Variants in FAM76B observed in about 807,000 individuals in gnomAD.
FAM76B encodes the protein family with sequence similarity 76 member B.
FAM76B carries 16 observed loss-of-function variants against 51.8 expected under a neutral mutation model. The ratio of observed to expected loss-of-function variants is 0.31; its 90% CI spans 0.21 to 0.47. FAM76B has a LOEUF of 0.47. Ranked by LOEUF, FAM76B falls within the 20% of genes least tolerant of loss-of-function variation. The pLI is 1.00. For missense variants in FAM76B, 342 were observed against 392.6 expected (o/e 0.87, Z 1.09); for synonymous variants, 166 against 129.5 (o/e 1.28, Z -1.91).
At chr11:95,781,213 T>G (rs1243802920) in intron 5 of FAM76B, among the ~76,000 whole-genome samples, 2 of 152,012 alleles carry the variant, frequency 1.3e-5, no homozygotes, top group Non-Finnish European at 2.9e-5. Context: ...TCCCATCTTA[T>G]CTTTCTGAGG....
intron 9 of FAM76B, among the ~76,000 whole-genome samples, chr11:95,772,187 T>G (rs760669810): frequency 6.6e-6 from 1 of 151,078 alleles, no homozygotes; most frequent in Non-Finnish European, 1.5e-5. Context: ...CCCAATGATA[T>G]TCAATTTTTT....
rs755098944 is a variant in FAM76B at position 95,778,942 on chromosome 11, CTGA to C, written c.705_707del (p.Asn235_Gln236delinsLys). On this transcript the variant is annotated inframe_deletion, in exon 8 of 10. Coordinates refer to ENST00000358780, the MANE Select transcript of FAM76B (RefSeq NM_144664.5). ...TGTCTGTTCCCCCACTATCTGCTGA[CTGA>C]TTTATAGAGCTACTAAAAAGAAAAA... 2 of 1,609,104 alleles carry C rather than the reference CTGA, an allele frequency of 1.2e-6. No individual in the cohort carries two copies. Among genetic ancestry groups the C allele is most frequent in the African/African-American group, 1.3e-5 (1 of 74,534 alleles).
At position 95,786,264 on chromosome 11, in the gene FAM76B, C is replaced by T; in HGVS notation, c.218G>A (p.Cys73Tyr). 2 of 1,614,004 alleles carry T rather than the reference C, an allele frequency of 1.2e-6. No individual in the cohort carries two copies. Among genetic ancestry groups the T allele is most frequent in the Non-Finnish European group, 1.7e-6 (2 of 1,179,954 alleles). Reference protein sequence around the residue: ...NVKQFGTPKPCQYCNIIAAFI... With the variant: ...NVKQFGTPKPYQYCNIIAAFI... ...TGCTGCAATTATGTTACAGTACTGA[C>T]AAGGCTTGGGCTGAAAAACATACAC... The change falls in exon 4 of 10, where the codon TGT (cysteine) becomes TAT (tyrosine). Residue 73 changes from cysteine (C) to tyrosine (Y), a missense_variant. Coordinates refer to ENST00000358780, the MANE Select transcript of FAM76B (RefSeq NM_144664.5).
At chr11:95,783,637 C>CAGT (rs1016763066) in intron 4 of FAM76B, among the ~76,000 whole-genome samples, 1 of 152,174 alleles carries the variant, frequency 6.6e-6, no homozygotes, top group African/African-American at 2.4e-5. Context: ...TTTTTCACTA[C>CAGT]AGTAAGTACT....
chr11:95,775,812 G>A (rs1390287326), intron 9 of FAM76B, 110 bp downstream of exon 9: 2 of 536,694 alleles, frequency 3.7e-6, no homozygotes, highest in East Asian at 3.4e-5. Context: ...AAACTGAAAT[G>A]CACCAACTAT....
At position 95,769,049 on chromosome 11, in the gene FAM76B, A is replaced by G. The variant is rs1354001787; in HGVS notation, c.*2512T>C. On this transcript the variant is annotated 3_prime_UTR_variant, in exon 10 of 10. Coordinates refer to ENST00000358780, the MANE Select transcript of FAM76B (RefSeq NM_144664.5). ...TACAAGTACAGTATTTCAATAGTCTATACATGTGAACAGCTTAACAGGTTC... is the reference window on the plus strand; with the variant it reads ...TACAAGTACAGTATTTCAATAGTCTGTACATGTGAACAGCTTAACAGGTTC... The G allele has an allele frequency of 6.6e-6, 1 of 152,472 alleles. No homozygotes were observed. Among genetic ancestry groups the G allele is most frequent in the East Asian group, 1.9e-4 (1 of 5,194 alleles). 9.4% of individuals were successfully genotyped at this position (152,472 alleles called of 1,614,324 possible). A position where few individuals can be genotyped will look rare whatever the true frequency, so the allele number is the denominator to read the frequency against.
intron 5 of FAM76B, among the ~76,000 whole-genome samples, chr11:95,780,671 A>G (rs2120241003): frequency 6.6e-6 from 1 of 152,094 alleles, no homozygotes; most frequent in African/African-American, 2.4e-5. Flanking sequence ...GCATGTAGAG[A>G]GCATCTCCTA....
intron 3 of FAM76B, chr11:95,786,715 A>G (rs1860607955): frequency 6.5e-6 from 1 of 154,148 alleles, no homozygotes; most frequent in East Asian, 1.9e-4. Flanking sequence ...AAATCATATA[A>G]GGAATATATA....
At chr11:95,787,768 G>A (rs1292721948) in intron 2 of FAM76B, 90 bp from the exon 3 acceptor site, 2 of 1,145,228 alleles carry the variant, frequency 1.7e-6, no homozygotes, top group Non-Finnish European at 2.5e-6. Flanking sequence ...AAGATTTGTT[G>A]TACTTAAAAC....
rs1859771075 is a variant in FAM76B, at chr11:95,771,656, G to A, written c.931-6C>T. 3 of 1,599,414 alleles carry A rather than the reference G, an allele frequency of 1.9e-6. No homozygotes were observed. The highest frequency in any genetic ancestry group is 1.1e-5 in the South Asian group (1 of 89,448). On this transcript the variant is annotated splice_polypyrimidine_tract_variant and splice_region_variant and intron_variant, in intron 9 of 9. Coordinates refer to ENST00000358780, the MANE Select transcript of FAM76B (RefSeq NM_144664.5). ...AGTAGTTCTCTGTTTTTGGCCTGTGGGAGACAAAAACATTCAAGATTAAAA... is the reference window on the plus strand; with the variant it reads ...AGTAGTTCTCTGTTTTTGGCCTGTGAGAGACAAAAACATTCAAGATTAAAA...
chr11:95,777,718 C>T (rs934128611), intron 8 of FAM76B, among the ~76,000 whole-genome samples: 1 of 151,324 alleles, frequency 6.6e-6, no homozygotes, highest in African/African-American at 2.4e-5. Context: ...AAATTAAGCC[C>T]ACTAACCATC....
chr11:95,789,169 T>G (rs1162937631), intron 1 of FAM76B: 2 of 1,081,710 alleles, frequency 1.8e-6, no homozygotes, highest in Non-Finnish European at 2.6e-6. Flanking sequence ...GGCACCCTCC[T>G]GGGCCGCCTG....
At position 95,786,111 on chromosome 11, in the gene FAM76B, A is replaced by G; in HGVS notation, c.363+8T>C. 1 of 1,601,110 alleles carries G rather than the reference A, an allele frequency of 6.2e-7. No homozygotes were observed. The highest frequency in any genetic ancestry group is 1.1e-5 in the South Asian group (1 of 88,596). On this transcript the variant is annotated splice_region_variant and intron_variant, in intron 4 of 9. Transcript: ENST00000358780. ...TCCAGAAGATGTCATAACATAAATA[A>G]AGCATACCTTTCTTCTTCCTTCCTC...
chr11:95,780,017 T>G, intron 5 of FAM76B, 91 bp from the exon 6 acceptor site: 1 of 1,208,048 alleles, frequency 8.3e-7, no homozygotes, highest in Admixed American at 2.4e-5. Context: ...ACAAATTTTA[T>G]GTTTATAATA....
chr11:95,774,976 A>G (rs1224415523), intron 9 of FAM76B, among the ~76,000 whole-genome samples: 1 of 150,800 alleles, frequency 6.6e-6, no homozygotes, highest in African/African-American at 2.4e-5. Context: ...AGAAAGAAAT[A>G]GCAAATATCC....
chr11:95,776,212 T>C (rs1411261116), intron 8 of FAM76B, among the ~76,000 whole-genome samples, 189 bp from the exon 9 acceptor site: 2 of 151,460 alleles, frequency 1.3e-5, no homozygotes, highest in Admixed American at 1.3e-4. Flanking sequence ...TTCACAATAG[T>C]ATAATTTTAA....
intron 5 of FAM76B, 75 bp downstream of exon 5, chr11:95,782,990 G>A: frequency 6.4e-7 from 1 of 1,560,676 alleles, no homozygotes; most frequent in Non-Finnish European, 8.7e-7. Context: ...GTCAATATTT[G>A]CAAGAAGTAA....
At chr11:95,786,352 T>C (rs945583344) in intron 3 of FAM76B, 78 bp from the exon 4 acceptor site, 2 of 1,461,410 alleles carry the variant, frequency 1.4e-6, no homozygotes, top group Admixed American at 4.7e-5. Flanking sequence ...GTTGTAGACA[T>C]ATTTCTGGAA....
chr11:95,783,410 A>G, intron 4 of FAM76B, 146 bp from the exon 5 acceptor site: 1 of 613,608 alleles, frequency 1.6e-6, no homozygotes. Context: ...ATTTTCTGCA[A>G]AACAGAAATA....
Sources: allele counts gnomAD v4.1 joint callset (sites outside exome capture counted in the v4.1 genomes callset), GRCh38; gene constraint gnomAD v4.1.1; transcripts MANE v1.5; gene names NCBI Gene and HGNC (gene_info 2026-07-23, HGNC 2026-07-21).